The following ASIC2 variants were observed in gnomAD, a reference collection of about 807,000 sequenced individuals.
ASIC2 encodes the protein acid-sensing ion channel 2.
A neutral mutation model predicts 57.3 loss-of-function variants in ASIC2; 25 were observed. The ratio of observed to expected loss-of-function variants is 0.44; its 90% CI spans 0.32 to 0.61. The LOEUF (loss-of-function observed/expected upper bound fraction) is 0.61. Ranked by LOEUF, ASIC2 falls within the 20% of genes least tolerant of loss-of-function variation. ASIC2 has a pLI of 0.06. For synonymous variants in ASIC2, 319 were observed against 307.5 expected, an observed-to-expected ratio of 1.04 and a Z score of -0.39; for missense variants, 641 against 738.1, an observed-to-expected ratio of 0.87 and a Z score of 1.52.
At chr17:33,404,627 G>A (rs1257005990) in intron 1 of ASIC2, among the ~76,000 whole-genome samples, 1 of 152,196 alleles carries the variant, frequency 6.6e-6, no homozygotes, top group African/African-American at 2.4e-5. Context: ...TCAAATGCAT[G>A]TTGAGTTGAG....
In ASIC2 at chr17:33,670,506, C is replaced by T. The variant is rs1016499814; in HGVS notation, c.555+485472G>A. ...AATGAAACATGGCTACCCATCTCAA[C>T]GGTGACGAAGGCTTCCTGGAACAGG... On this transcript the variant is annotated intron_variant, in intron 1 of 9. Transcript: ENST00000359872. Among the ~76,000 whole-genome samples, 7 of 152,204 alleles carry T rather than the reference C, an allele frequency of 4.6e-5. No individual in the cohort carries two copies. The East Asian group carries it at 5.8e-4, about 13-fold the overall frequency.
intron 1 of ASIC2, among the ~76,000 whole-genome samples, chr17:33,812,782 A>T (rs765074827): frequency 6.6e-5 from 10 of 152,232 alleles, no homozygotes; most frequent in Admixed American, 3.3e-4. Flanking sequence ...GACCTAGGAC[A>T]GATTCCATTT....
In ASIC2 at chr17:33,908,581, C is replaced by T. The variant is rs34515296; in HGVS notation, c.555+247397G>A. On this transcript the variant is annotated intron_variant, in intron 1 of 9. Coordinates refer to the ASIC2 transcript ENST00000359872. The stretch of plus-strand genomic sequence containing the variant: ...CCCTTGTGAGAGCTGGCAGTACTTC[C>T]TGCCCTTGAAACACATATCACTACA... Among the ~76,000 whole-genome samples, 1,468 of 152,344 alleles carry T rather than the reference C, an allele frequency of 9.6e-3. 22 individuals are homozygous for T. Among genetic ancestry groups the T allele is most frequent in the African/African-American group, 0.034 (1,404 of 41,576 alleles).
At chr17:33,461,368 T>C (rs1465533653) in intron 1 of ASIC2, among the ~76,000 whole-genome samples, 1 of 152,228 alleles carries the variant, frequency 6.6e-6, no homozygotes, top group African/African-American at 2.4e-5. Flanking sequence ...AATTCTATCA[T>C]GCAGGCACAT....
At chr17:33,608,747 G>T (rs1387246083) in intron 1 of ASIC2, among the ~76,000 whole-genome samples, 1 of 152,022 alleles carries the variant, frequency 6.6e-6, no homozygotes, top group Non-Finnish European at 1.5e-5. Flanking sequence ...GAATTAAATG[G>T]GTATATAATA....
chr17:33,203,912 T>G (rs1758141932), intron 1 of ASIC2, among the ~76,000 whole-genome samples: 1 of 152,212 alleles, frequency 6.6e-6, no homozygotes, highest in African/African-American at 2.4e-5. Context: ...AGATACCTAT[T>G]TCGTCCTTAG....
chr17:33,311,270 A>G (rs746851589), intron 1 of ASIC2, among the ~76,000 whole-genome samples: 3 of 152,178 alleles, frequency 2.0e-5, no homozygotes, highest in Non-Finnish European at 2.9e-5. Flanking sequence ...AGTTGAAATA[A>G]CTTGCTTAAT....
At chr17:33,530,162 G>A (rs938419049) in intron 1 of ASIC2, 13 of 152,308 alleles carry the variant, frequency 8.5e-5, no homozygotes, top group African/African-American at 2.9e-4. Flanking sequence ...GTGTAAGAAC[G>A]AGGCTCTCTG....
At chr17:33,591,236 T>C (rs1904815311) in intron 1 of ASIC2, among the ~76,000 whole-genome samples, 1 of 152,226 alleles carries the variant, frequency 6.6e-6, no homozygotes, top group Non-Finnish European at 1.5e-5. Flanking sequence ...CACAGGAAAC[T>C]GTCTGACATG....
rs141794739 is a variant in ASIC2, at chr17:33,512,992, G to C, written c.556-400925C>G. On this transcript the variant is annotated intron_variant, in intron 1 of 9. Transcript: ENST00000359872. ...ATGGTGAACTTGGCTCCTGGACCAT[G>C]TATCCTGTTGTCCAGTCTTGTGCTC... 8.5e-5 allele frequency among the ~76,000 whole-genome samples: 13 copies of C among 152,308 alleles called. No individual in the cohort carries two copies. In the East Asian group the frequency reaches 2.5e-3, roughly 29 times the overall value.
intron 1 of ASIC2, among the ~76,000 whole-genome samples, chr17:33,275,802 G>A (rs1904680048): frequency 6.6e-6 from 1 of 152,198 alleles, no homozygotes; most frequent in African/African-American, 2.4e-5. Context: ...GGAAGACCAC[G>A]GGGTTGCAGG....
At chr17:33,910,539 C>A (rs2141958683) in intron 1 of ASIC2, among the ~76,000 whole-genome samples, 1 of 152,276 alleles carries the variant, frequency 6.6e-6, no homozygotes, top group African/African-American at 2.4e-5. Context: ...TTCCTCATCC[C>A]ATTCTGTTTT....
intron 3 of ASIC2, among the ~76,000 whole-genome samples, chr17:33,064,532 C>T (rs924744619): frequency 6.6e-6 from 1 of 152,192 alleles, no homozygotes. Context: ...GCAAATGTTG[C>T]TGTCTGATCA....
chr17:34,144,312 T>C (rs535918507), intron 1 of ASIC2, among the ~76,000 whole-genome samples: 3 of 152,308 alleles, frequency 2.0e-5, no homozygotes, highest in African/African-American at 7.2e-5. Context: ...AAAAGAACTT[T>C]TATTTGTGAC....
chr17:33,332,847 C>T lies in ASIC2; in HGVS notation c.556-220780G>A, dbSNP rs568766636. Reference sequence around the variant, plus strand: ...TGGAGGCTGCAGTGAGCTGAGATTGCGCCACTGCACTCCAGCCTGGGTGAC... The same window carrying T: ...TGGAGGCTGCAGTGAGCTGAGATTGTGCCACTGCACTCCAGCCTGGGTGAC... On this transcript the variant is annotated intron_variant, in intron 1 of 9. Transcript: ENST00000359872. 1.2e-4 allele frequency among the ~76,000 whole-genome samples: 18 copies of T among 152,240 alleles called. No individual in the cohort carries two copies. In the South Asian group the frequency reaches 2.9e-3, roughly 25 times the overall value.
At chr17:33,832,142 A>T (rs186176861) in intron 1 of ASIC2, among the ~76,000 whole-genome samples, 2 of 152,338 alleles carry the variant, frequency 1.3e-5, no homozygotes, top group African/African-American at 4.8e-5. Context: ...AGGAGGGAGG[A>T]CCTACATCAT....
chr17:34,152,684 A>G (rs1904571588), intron 1 of ASIC2, among the ~76,000 whole-genome samples: 1 of 152,236 alleles, frequency 6.6e-6, no homozygotes, highest in Non-Finnish European at 1.5e-5. Context: ...AAATATTACT[A>G]TCACATGTTA....
intron 1 of ASIC2, among the ~76,000 whole-genome samples, chr17:33,663,214 G>C (rs2142046473): frequency 1.3e-5 from 2 of 152,310 alleles, no homozygotes; most frequent in Admixed American, 1.3e-4. Context: ...AGCTTTCCAG[G>C]TTCACGCAGC....
chr17:33,503,713 G>A (rs1268042827), intron 1 of ASIC2, among the ~76,000 whole-genome samples: 1 of 152,170 alleles, frequency 6.6e-6, no homozygotes, highest in Non-Finnish European at 1.5e-5. Context: ...AAATGGCACT[G>A]GACTGACTGC....
Sources: allele counts gnomAD v4.1 joint callset (sites outside exome capture counted in the v4.1 genomes callset), GRCh38; gene constraint gnomAD v4.1.1; transcripts MANE v1.5; gene names NCBI Gene and HGNC (gene_info 2026-07-23, HGNC 2026-07-21).